The following DLG2 variants were observed in gnomAD, a reference collection of about 807,000 sequenced individuals.
DLG2 encodes discs large MAGUK scaffold protein 2.
DLG2 carries 45 observed loss-of-function variants against 132.5 expected under a neutral mutation model. The ratio of observed to expected loss-of-function variants is 0.34; its 90% CI spans 0.27 to 0.44. The LOEUF is 0.44. Ranked by LOEUF, DLG2 falls within the 20% of genes least tolerant of loss-of-function variation. The probability of loss-of-function intolerance (pLI) is 1.00; values close to 1 mark genes in which losing one functional copy is unlikely to be tolerated. For synonymous variants in DLG2, 424 were observed against 419.6 expected (o/e 1.01, Z -0.13); for missense variants, 1,045 against 1,196.9 (o/e 0.87, Z 1.87).
At chr11:84,719,203 T>C (rs1200813100) in intron 6 of DLG2, among the ~76,000 whole-genome samples, 5 of 152,244 alleles carry the variant, frequency 3.3e-5, no homozygotes, top group Non-Finnish European at 7.3e-5. Flanking sequence ...GTTCAGTGTG[T>C]GTGTTTCATT....
At chr11:85,508,062 A>T (rs2093975585) in intron 3 of DLG2, among the ~76,000 whole-genome samples, 2 of 152,120 alleles carry the variant, frequency 1.3e-5, no homozygotes, top group Admixed American at 1.3e-4. Flanking sequence ...CCATCAGGTC[A>T]TTTAAGGTCT....
rs905323443 is a variant in DLG2 at position 84,425,328 on chromosome 11, T to A, written c.519+109242A>T. On this transcript the variant is annotated intron_variant, in intron 7 of 27. Transcript: ENST00000376104. ...TAGGTGATTTTAAGAAACTGGAGAA[T>A]GGAAAGCATTATTTAATCTGGATTG... 2.0e-5 allele frequency among the ~76,000 whole-genome samples: 3 copies of A among 152,162 alleles called. No individual in the cohort carries two copies. In the South Asian group the frequency reaches 6.2e-4, roughly 31 times the overall value.
intron 3 of DLG2, among the ~76,000 whole-genome samples, chr11:85,496,066 CCA>C (rs1430905713): frequency 6.6e-6 from 1 of 152,122 alleles, no homozygotes; most frequent in Non-Finnish European, 1.5e-5. Flanking sequence ...TGGGTGCAGC[CCA>C]CAGAGGGCGA....
intron 3 of DLG2, among the ~76,000 whole-genome samples, chr11:85,475,507 A>T (rs1178106678): frequency 6.6e-6 from 1 of 152,052 alleles, no homozygotes; most frequent in Non-Finnish European, 1.5e-5. Flanking sequence ...ACCACATAAA[A>T]CTATGAAAGC....
chr11:83,689,617 TA>T lies in DLG2; in HGVS notation c.1826-56293del, dbSNP rs149441671. 7.4e-3 allele frequency among the ~76,000 whole-genome samples: 1,117 copies of T among 151,624 alleles called. 11 individuals are homozygous for T. Among genetic ancestry groups the T allele is most frequent in the African/African-American group, 0.025 (1,043 of 41,416 alleles). On this transcript the variant is annotated intron_variant, in intron 18 of 27. Transcript: ENST00000376104. ...ATATAGCTGTTGTGTTCTTATGAAA[TA>T]AAAAAAATGTAAACTATCTTGTTTC...
intron 4 of DLG2, among the ~76,000 whole-genome samples, chr11:85,258,994 G>A (rs191575999): frequency 1.5e-4 from 23 of 152,202 alleles, no homozygotes; most frequent in African/African-American, 4.8e-4. Flanking sequence ...TAGAGAGTAA[G>A]GACCATATAT....
At chr11:85,034,558 C>T (rs761966126) in intron 6 of DLG2, among the ~76,000 whole-genome samples, 4 of 152,196 alleles carry the variant, frequency 2.6e-5, no homozygotes, top group East Asian at 3.9e-4. Context: ...AGAAAGAAGT[C>T]GAGGCTGGAC....
intron 3 of DLG2, among the ~76,000 whole-genome samples, chr11:85,316,036 T>C (rs1596181027): frequency 6.6e-6 from 1 of 152,140 alleles, no homozygotes; most frequent in East Asian, 1.9e-4. Context: ...AGGAAAAACT[T>C]TTAAATAAAC....
rs1174266099 is a variant in DLG2, at chr11:84,068,614, TAAAC to T, written c.750-9134_750-9131del. On this transcript the variant is annotated intron_variant, in intron 10 of 27. Transcript: ENST00000376104. ...TAAACATTAGTAATTATTATTTAGA[TAAAC>T]ACATACATTTTAGTATAAGTATGTT... Among the ~76,000 whole-genome samples, 5 of 152,342 alleles carry T rather than the reference TAAAC, an allele frequency of 3.3e-5. No homozygotes were observed. The East Asian group carries it at 9.7e-4, about 29-fold the overall frequency.
intron 6 of DLG2, among the ~76,000 whole-genome samples, chr11:84,783,243 A>G (rs1296552182): frequency 6.6e-6 from 1 of 152,126 alleles, no homozygotes; most frequent in Admixed American, 6.6e-5. Flanking sequence ...CTTACTAGCT[A>G]TTTTCATCCT....
chr11:84,152,871 A>G (rs2154252609), intron 9 of DLG2, among the ~76,000 whole-genome samples: 1 of 152,298 alleles, frequency 6.6e-6, no homozygotes, highest in East Asian at 1.9e-4. Flanking sequence ...CTATAGATAT[A>G]TGAAGTTTTG....
At chr11:84,992,742 GT>G (rs938762441) in intron 6 of DLG2, among the ~76,000 whole-genome samples, 16 of 152,070 alleles carry the variant, frequency 1.1e-4, no homozygotes, top group Non-Finnish European at 2.9e-5. Flanking sequence ...TGATGGGGTT[GT>G]TTTTTTCTTT....
intron 6 of DLG2, among the ~76,000 whole-genome samples, chr11:84,869,619 T>C (rs1282417044): frequency 1.3e-5 from 2 of 152,162 alleles, no homozygotes; most frequent in South Asian, 2.1e-4. Context: ...AATCAAAAGA[T>C]ATATTAAAGG....
At chr11:83,870,336 TC>T (rs2063198557) in intron 16 of DLG2, among the ~76,000 whole-genome samples, 1 of 152,212 alleles carries the variant, frequency 6.6e-6, no homozygotes, top group Non-Finnish European at 1.5e-5. Context: ...ATTATTTAGC[TC>T]CCATTTATAA....
chr11:83,968,958 A>G (rs972585479), intron 12 of DLG2, among the ~76,000 whole-genome samples: 2 of 152,204 alleles, frequency 1.3e-5, no homozygotes, highest in Non-Finnish European at 2.9e-5. Flanking sequence ...GCAGCCCTTA[A>G]TAATACAGAA....
intron 16 of DLG2, among the ~76,000 whole-genome samples, chr11:83,851,850 C>T (rs1185818909): frequency 1.3e-5 from 2 of 150,452 alleles, no homozygotes; most frequent in Admixed American, 6.7e-5. Flanking sequence ...ACCCAGGAGG[C>T]GGAGATTGCA....
At chr11:83,950,888 T>C (rs1009954976) in intron 14 of DLG2, among the ~76,000 whole-genome samples, 16 of 152,160 alleles carry the variant, frequency 1.1e-4, no homozygotes, top group African/African-American at 3.9e-4. Flanking sequence ...ATGTATCACC[T>C]CTATTATATT....
At chr11:83,716,723 C>T (rs537958782) in intron 18 of DLG2, among the ~76,000 whole-genome samples, 3 of 151,948 alleles carry the variant, frequency 2.0e-5, no homozygotes, top group South Asian at 2.1e-4. Context: ...TTTTTTTTCT[C>T]GATTCTACTT....
At chr11:83,755,712 T>C (rs1425824710) in intron 18 of DLG2, among the ~76,000 whole-genome samples, 1 of 151,270 alleles carries the variant, frequency 6.6e-6, no homozygotes, top group Non-Finnish European at 1.5e-5. Flanking sequence ...CAGGGGTCAA[T>C]TTTTAGACCA....
Sources: gnomAD v4.1 joint callset for allele counts (sites outside exome capture counted in the v4.1 genomes callset) on GRCh38, gnomAD v4.1.1 for gene constraint, MANE v1.5 for transcripts, NCBI Gene and HGNC (gene_info 2026-07-23, HGNC 2026-07-21) for gene names.